The following ZNF829 variants were observed in gnomAD, a reference collection of about 807,000 sequenced individuals.
The protein encoded by ZNF829 is zinc finger protein 829.
ZNF829 carries 25 observed loss-of-function variants against 35.2 expected under a neutral mutation model. The ratio of observed to expected loss-of-function variants is 0.71; its 90% CI spans 0.52 to 0.99. ZNF829 has a LOEUF of 0.99. Ranked by LOEUF, ZNF829 falls within the 50% of genes least tolerant of loss-of-function variation. The pLI, the probability that ZNF829 is intolerant of heterozygous loss-of-function variation, is 0.00. For missense variants in ZNF829, 417 were observed against 515.3 expected (o/e 0.81, Z 1.85); for synonymous variants, 136 against 163.2 (o/e 0.83, Z 1.27).
In ZNF829 at chr19:36,891,584, T is replaced by G. The variant is rs749717750; in HGVS notation, c.1207A>C (p.Thr403Pro). 1 of 1,613,606 alleles carries G rather than the reference T, an allele frequency of 6.2e-7. No homozygotes were observed. The highest frequency in any genetic ancestry group is 1.7e-5 in the Admixed American group (1 of 59,938). The change falls in exon 6 of 6, where the codon ACT (threonine) becomes CCT (proline). Residue 403 changes from threonine to proline, a missense_variant. Thr to Pro is a conservative substitution (Grantham distance 38). Transcript: ENST00000391711. ...SNLTRHQRIH[T>P]GEKPYDCKEC... ...TTACAGTCATAGGGTTTCTCACCAG[T>G]GTGAATTCTCTGATGTCGAGTAAGA...
At position 36,916,223 on chromosome 19, in the gene ZNF829, C is replaced by T. The variant is rs1197171981; in HGVS notation, c.-297G>A. The T allele has an allele frequency of 9.9e-6, 4 of 404,790 alleles. No homozygotes were observed. The highest frequency in any genetic ancestry group is 1.8e-5 in the Non-Finnish European group (4 of 226,600). The allele number at this position is 404,790 out of a possible 1,614,324, so 25.1% of individuals were successfully genotyped here. The stretch of plus-strand genomic sequence containing the variant: ...AGTTGCGGGTCGCCGTAGCGCTGCG[C>T]AATGGAGATGAGCCTCCCGGGGAAC... On this transcript the variant is annotated 5_prime_UTR_variant, in exon 1 of 6. Coordinates refer to ENST00000391711, the MANE Select transcript of ZNF829 (RefSeq NM_001037232.4). The surrounding 1 kb of genome is among the most constrained non-coding windows in gnomAD (Gnocchi z 5.3).
intron 3 of ZNF829, among the ~76,000 whole-genome samples, chr19:36,909,403 T>C (rs899751984): frequency 6.6e-6 from 1 of 152,194 alleles, no homozygotes; most frequent in Non-Finnish European, 1.5e-5. Flanking sequence ...ATACAAATTG[T>C]ATTAGAAAGA....
intron 3 of ZNF829, among the ~76,000 whole-genome samples, chr19:36,910,080 T>C (rs986708491): frequency 6.9e-6 from 1 of 144,136 alleles, no homozygotes; most frequent in African/African-American, 2.5e-5. Context: ...TTAACATTTC[T>C]TGAAAAATTT....
chr19:36,902,491 C>T (rs979678244), intron 5 of ZNF829, among the ~76,000 whole-genome samples: 5 of 151,402 alleles, frequency 3.3e-5, no homozygotes, highest in East Asian at 2.0e-4. Context: ...AAAAATTAGC[C>T]GGTCATGGTG....
intron 5 of ZNF829, among the ~76,000 whole-genome samples, chr19:36,898,390 T>C (rs897601671): frequency 1.3e-5 from 2 of 152,184 alleles, no homozygotes; most frequent in African/African-American, 4.8e-5. Flanking sequence ...GCTTATGCAC[T>C]GGAAGAACTA....
intron 5 of ZNF829, 31 bp downstream of exon 5, chr19:36,907,898 C>T: frequency 5.7e-6 from 9 of 1,571,066 alleles, no homozygotes; most frequent in Non-Finnish European, 7.9e-6. Context: ...CTCTTTATAG[C>T]CCTGCTCCTG....
At chr19:36,907,879 G>T in intron 5 of ZNF829, 50 bp downstream of exon 5, 1 of 1,494,290 alleles carries the variant, frequency 6.7e-7, no homozygotes, top group Non-Finnish European at 9.2e-7. Context: ...TAACATCTCA[G>T]AAGTATATCT....
intron 5 of ZNF829, among the ~76,000 whole-genome samples, chr19:36,895,754 AAAG>A (rs1399605284): frequency 3.3e-5 from 5 of 152,252 alleles, no homozygotes; most frequent in African/African-American, 9.6e-5. Flanking sequence ...CAAAAGAAGC[AAAG>A]AAGGTCATTA....
In ZNF829 at chr19:36,891,463, T is replaced by C; in HGVS notation, c.*29A>G. On this transcript the variant is annotated 3_prime_UTR_variant, in exon 6 of 6. Transcript: ENST00000391711. ...TGTTTTAAAAAAATTATTATAAAGG[T>C]TAACAAAATGGTCTTACTTTACTGT... 5 of 1,511,860 alleles carry C rather than the reference T, an allele frequency of 3.3e-6. No individual in the cohort carries two copies. Among genetic ancestry groups the C allele is most frequent in the Non-Finnish European group, 4.4e-6 (5 of 1,132,884 alleles). The allele number at this position is 1,511,860 out of a possible 1,614,324, so 93.7% of individuals were successfully genotyped here.
chr19:36,893,547 A>G (rs909925328), intron 5 of ZNF829, among the ~76,000 whole-genome samples: 1 of 152,198 alleles, frequency 6.6e-6, no homozygotes, highest in African/African-American at 2.4e-5. Flanking sequence ...ATGATTGCTA[A>G]AAAGATGAGG....
chr19:36,901,134 A>G (rs1251932853), intron 5 of ZNF829, among the ~76,000 whole-genome samples: 3 of 152,264 alleles, frequency 2.0e-5, no homozygotes, highest in African/African-American at 7.2e-5. Flanking sequence ...CCATCAACTG[A>G]TCAATGGATA....
Position 36,907,985 on chromosome 19 carries a change from T to C in ZNF829, c.263A>G (p.Glu88Gly). 6.2e-7 allele frequency: 1 copy of C among 1,614,016 alleles called. No homozygotes were observed. Among genetic ancestry groups the C allele is most frequent in the Non-Finnish European group, 8.5e-7 (1 of 1,179,956 alleles). ...NSKPAVISLL[E>G]QGKEPWMVDR... Reference sequence around the variant, plus strand: ...AACCATCCAGGGCTCTTTTCCTTGTTCCAATAAGGAGATCACAGCTGGCTT... The same window carrying C: ...AACCATCCAGGGCTCTTTTCCTTGTCCCAATAAGGAGATCACAGCTGGCTT... The change falls in exon 5 of 6, where the codon GAA (glutamate) becomes GGA (glycine). Residue 88 changes from glutamate to glycine, a missense_variant. By Grantham distance (98) the Glu-to-Gly change is moderately conservative. Transcript: ENST00000391711.
chr19:36,892,497 A>C, intron 5 of ZNF829, 26 bp from the exon 6 acceptor site: 1 of 1,533,950 alleles, frequency 6.5e-7, no homozygotes, highest in Non-Finnish European at 8.7e-7. Context: ...AAGGCAAATA[A>C]ATTTTCCTAT....
At chr19:36,892,841 AC>A in intron 5 of ZNF829, 1 of 1,050,628 alleles carries the variant, frequency 9.5e-7, no homozygotes, top group South Asian at 4.3e-5. Context: ...GCTGCCTGAG[AC>A]CCAGCTCTGT....
At chr19:36,895,579 T>G (rs1008063915) in intron 5 of ZNF829, among the ~76,000 whole-genome samples, 2 of 151,984 alleles carry the variant, frequency 1.3e-5, no homozygotes, top group African/African-American at 4.8e-5. Context: ...GTTGAATGGA[T>G]AAAATAAATA....
At chr19:36,904,541 G>A (rs185811231) in intron 5 of ZNF829, among the ~76,000 whole-genome samples, 4,600 of 152,082 alleles carry the variant, frequency 0.03, 84 homozygotes, top group South Asian at 0.083. Flanking sequence ...CTGGGACTAC[G>A]GGCGCCTGCC....
At position 36,902,456 on chromosome 19, in the gene ZNF829, A is replaced by G. The variant is rs2073176326; in HGVS notation, c.319+5473T>C. Among the ~76,000 whole-genome samples the G allele has an allele frequency of 4.0e-5, 6 of 150,780 alleles. No homozygotes were observed. In the South Asian group the frequency reaches 1.0e-3, roughly 26 times the overall value. On this transcript the variant is annotated intron_variant, in intron 5 of 5. Coordinates refer to ENST00000391711, the MANE Select transcript of ZNF829 (RefSeq NM_001037232.4). ...TCGAGACCAGCCTGGGTAACATGGCAAAATCCCATCTCTACAAAAAATACA... is the reference window on the plus strand; with the variant it reads ...TCGAGACCAGCCTGGGTAACATGGCGAAATCCCATCTCTACAAAAAATACA...
At chr19:36,892,592 G>T in intron 5 of ZNF829, 121 bp from the exon 6 acceptor site, 1 of 1,058,584 alleles carries the variant, frequency 9.4e-7, no homozygotes, top group Non-Finnish European at 1.3e-6. Flanking sequence ...TTTCAAAGGT[G>T]GAGAGGCAAT....
intron 5 of ZNF829, chr19:36,901,662 A>G (rs554035115): frequency 3.1e-6 from 1 of 319,326 alleles, no homozygotes; most frequent in African/African-American, 2.2e-5. Context: ...TAGTGCAAAG[A>G]CAGTCACAGA....
Sources: allele counts gnomAD v4.1 joint callset (sites outside exome capture counted in the v4.1 genomes callset), GRCh38; gene constraint gnomAD v4.1.1; non-coding constraint Gnocchi (gnomAD v3.1); transcripts MANE v1.5; gene names NCBI Gene and HGNC (gene_info 2026-07-23, HGNC 2026-07-21).